Variants in NMNAT1 observed in about 807,000 individuals in gnomAD.
NMNAT1 encodes nicotinamide nucleotide adenylyltransferase 1.
A neutral mutation model predicts 16.7 loss-of-function variants in NMNAT1; 11 were observed. The ratio of observed to expected loss-of-function variants is 0.66; its 90% confidence interval spans 0.41 to 1.09. NMNAT1 has a LOEUF of 1.09. NMNAT1 is among the 50% of genes least tolerant of loss of function. The pLI is 0.00. For synonymous variants in NMNAT1, 110 were observed against 119.8 expected (o/e 0.92, Z 0.53); for missense variants, 280 against 332.3 (o/e 0.84, Z 1.22).
downstream of NMNAT1, among the ~76,000 whole-genome samples, chr1:9,989,259 A>G (rs1570722067): frequency 6.6e-6 from 1 of 152,096 alleles, no homozygotes; most frequent in Admixed American, 6.6e-5. Flanking sequence ...GGAGTTCAAG[A>G]CCAGCCTGGC....
chr1:9,987,496 G>A (rs1000578831), downstream of NMNAT1, among the ~76,000 whole-genome samples: 9 of 151,478 alleles, frequency 5.9e-5, no homozygotes, highest in African/African-American at 1.9e-4. Context: ...AAAATTATCC[G>A]GGCGTAGGTG....
chr1:9,986,349 C>G (rs531469702), downstream of NMNAT1, among the ~76,000 whole-genome samples: 1 of 152,310 alleles, frequency 6.6e-6, no homozygotes, highest in Non-Finnish European at 1.5e-5. Flanking sequence ...AAGCAAATCC[C>G]AAATGTGTAA....
chr1:9,966,160 A>G (rs1641537484), intron 1 of NMNAT1, among the ~76,000 whole-genome samples: 1 of 148,170 alleles, frequency 6.7e-6, no homozygotes, highest in Non-Finnish European at 1.5e-5. Flanking sequence ...TTAGCCAGGC[A>G]TGGTGGGGCA....
Position 9,976,274 on chromosome 1 carries a change from G to A in NMNAT1, c.299+499G>A, listed in dbSNP as rs112282325. Reference sequence around the variant, plus strand: ...TGCACTCCAGCCTGGGTGACAGAGCGAGACTCCATCTCAAAAAAAAAAAAA... The same window carrying A: ...TGCACTCCAGCCTGGGTGACAGAGCAAGACTCCATCTCAAAAAAAAAAAAA... On this transcript the variant is annotated intron_variant, in intron 3 of 4. Coordinates refer to ENST00000377205, the MANE Select transcript of NMNAT1 (RefSeq NM_022787.4). 7.3e-3 allele frequency among the ~76,000 whole-genome samples: 1,056 copies of A among 144,948 alleles called. 17 individuals are homozygous for A. Among genetic ancestry groups the A allele is most frequent in the African/African-American group, 0.026 (1,019 of 39,214 alleles).
At chr1:9,989,492 A>T (rs1015470621), downstream of NMNAT1, among the ~76,000 whole-genome samples, 1 of 151,622 alleles carries the variant, frequency 6.6e-6, no homozygotes, top group African/African-American at 2.4e-5. Context: ...CAGAGAGTGG[A>T]GAAGCAGCTG....
rs1642000762 is a variant in NMNAT1 at position 9,983,789 on chromosome 1, G to C, written c.*1088G>C. On this transcript the variant is annotated 3_prime_UTR_variant, in exon 5 of 5. Transcript: ENST00000377205. ...GCTTCTTGGAGTTTAAGAGTTGAAGGAGTCCTGAAAAGTAATGATAGAGCA... is the reference window on the plus strand; with the variant it reads ...GCTTCTTGGAGTTTAAGAGTTGAAGCAGTCCTGAAAAGTAATGATAGAGCA... 1 of 152,154 alleles carries C rather than the reference G, an allele frequency of 6.6e-6. No individual in the cohort carries two copies. Among genetic ancestry groups the C allele is most frequent in the South Asian group, 2.1e-4 (1 of 4,828 alleles). 9.4% of individuals were successfully genotyped at this position (152,154 alleles called of 1,614,324 possible). A position where few individuals can be genotyped will look rare whatever the true frequency, so the allele number is the denominator to read the frequency against.
At chr1:9,981,223 T>C (rs748668992) in intron 4 of NMNAT1, 53 bp downstream of exon 4, 1 of 1,570,832 alleles carries the variant, frequency 6.4e-7, no homozygotes, top group Non-Finnish European at 8.6e-7. Flanking sequence ...ATTCTGTAGC[T>C]GAGCAAACCC....
In NMNAT1 at chr1:9,974,551, G is replaced by A. The variant is rs375934025; in HGVS notation, c.116-1041G>A. On this transcript the variant is annotated intron_variant, in intron 2 of 4. Coordinates refer to ENST00000377205, the MANE Select transcript of NMNAT1 (RefSeq NM_022787.4). The stretch of plus-strand genomic sequence containing the variant: ...TTACAGGTGCCCGCCACCATGCCTG[G>A]CTAATTTTTTGTATTTTTAGTAGAG... Among the ~76,000 whole-genome samples, 21 of 152,102 alleles carry A rather than the reference G, an allele frequency of 1.4e-4. No homozygotes were observed. The East Asian group carries it at 3.5e-3, about 25-fold the overall frequency.
chr1:9,967,795 T>C (rs1641584682), intron 1 of NMNAT1, among the ~76,000 whole-genome samples: 3 of 151,782 alleles, frequency 2.0e-5, no homozygotes, highest in African/African-American at 7.3e-5. Context: ...GCCTGGGCAA[T>C]ATGGCAAAAC....
chr1:9,945,485 G>C (rs529901514), intron 1 of NMNAT1, among the ~76,000 whole-genome samples: 2 of 152,242 alleles, frequency 1.3e-5, no homozygotes, highest in Admixed American at 1.3e-4. Context: ...CGGATCACGA[G>C]GTCAGGAGTT....
chr1:9,944,125 G>T (rs1640902668), intron 1 of NMNAT1, among the ~76,000 whole-genome samples: 1 of 151,990 alleles, frequency 6.6e-6, no homozygotes. Flanking sequence ...GTGGTGGTGG[G>T]CGCCTGTAAT....
chr1:9,943,067 GT>G (rs1314367667), upstream of NMNAT1: 1 of 273,318 alleles, frequency 3.7e-6, no homozygotes, highest in Admixed American at 4.2e-5. Context: ...AGTGAGGAGG[GT>G]TTGGCCCAGA....
intron 1 of NMNAT1, among the ~76,000 whole-genome samples, chr1:9,959,350 G>A (rs1641346653): frequency 7.0e-6 from 1 of 142,098 alleles, no homozygotes; most frequent in African/African-American, 2.7e-5. Flanking sequence ...ACAGCCAGGG[G>A]ACAAGAGTGA....
chr1:9,988,955 C>G (rs1642078206), downstream of NMNAT1, among the ~76,000 whole-genome samples: 1 of 151,954 alleles, frequency 6.6e-6, no homozygotes, highest in African/African-American at 2.4e-5. Flanking sequence ...CTGTGCCCAG[C>G]CAAAAGTACC....
chr1:9,988,920 G>T (rs1311113650), downstream of NMNAT1, among the ~76,000 whole-genome samples: 1 of 151,856 alleles, frequency 6.6e-6, no homozygotes. Flanking sequence ...GCCCCTCCAA[G>T]TGCTGGAATT....
At chr1:9,976,782 G>A (rs1416608747) in intron 3 of NMNAT1, among the ~76,000 whole-genome samples, 1 of 151,682 alleles carries the variant, frequency 6.6e-6, no homozygotes, top group Non-Finnish European at 1.5e-5. Context: ...CTGCCACCAC[G>A]CCCCGCTAAT....
chr1:9,960,480 A>G (rs966033271), intron 1 of NMNAT1, among the ~76,000 whole-genome samples: 11 of 152,008 alleles, frequency 7.2e-5, no homozygotes, highest in African/African-American at 2.2e-4. Flanking sequence ...TGGGCAACAC[A>G]GCGAGACCCC....
chr1:9,987,574 A>T (rs149589865), downstream of NMNAT1, among the ~76,000 whole-genome samples: 2,605 of 152,196 alleles, frequency 0.017, 68 homozygotes, highest in African/African-American at 0.058. Context: ...CAGGAGGCAG[A>T]GCTTTCAGTG....
At chr1:9,989,172 C>T (rs1029869639), downstream of NMNAT1, among the ~76,000 whole-genome samples, 2 of 152,044 alleles carry the variant, frequency 1.3e-5, no homozygotes, top group Non-Finnish European at 2.9e-5. Flanking sequence ...CCCATGAAAA[C>T]CCCAGGCTCA....
Sources: gnomAD v4.1 joint callset for allele counts (sites outside exome capture counted in the v4.1 genomes callset) on GRCh38, gnomAD v4.1.1 for gene constraint, MANE v1.5 for transcripts, NCBI Gene and HGNC (gene_info 2026-07-23, HGNC 2026-07-21) for gene names.